Variants in FRMPD4 observed in about 807,000 individuals in gnomAD.
The protein encoded by FRMPD4 is FERM and PDZ domain containing 4, also known as FERM and PDZ domain-containing protein 4.
Under a neutral mutation model 94.1 loss-of-function variants are expected in FRMPD4, and 22 were observed. That is an observed-to-expected ratio of 0.23 (90% CI 0.17 to 0.33). FRMPD4 has a LOEUF of 0.33. Ranked by LOEUF, FRMPD4 falls within the 10% of genes least tolerant of loss-of-function variation. The pLI, the probability that FRMPD4 is intolerant of heterozygous loss-of-function variation, is 1.00. For missense variants in FRMPD4, 1,111 were observed against 1,339.9 expected (o/e 0.83, Z 2.67); for synonymous variants, 631 against 548.6 (o/e 1.15, Z -2.10).
intron 11 of FRMPD4, among the ~76,000 whole-genome samples, chrX:12,706,204 A>C (rs1402876054): frequency 9.0e-6 from 1 of 111,669 alleles, no homozygotes; most frequent in African/African-American, 3.3e-5. Flanking sequence ...TGTGAAACTC[A>C]ACAGATTTTC....
At chrX:12,266,132 CAAAAAA>C (rs3990340) in intron 1 of FRMPD4, among the ~76,000 whole-genome samples, 32 of 25,745 alleles carry the variant, frequency 1.2e-3, no homozygotes, top group African/African-American at 3.6e-3. Flanking sequence ...GACTCCGTCT[CAAAAAA>C]AAAAAAAAAA....
intron 1 of FRMPD4, among the ~76,000 whole-genome samples, chrX:12,495,755 A>AT (rs1332200203): frequency 9.0e-6 from 1 of 111,345 alleles, no homozygotes; most frequent in Non-Finnish European, 1.9e-5. Context: ...ATAAAAAAAA[A>AT]GGTAGAGTTA....
At chrX:11,887,644 C>T (rs1468234573) in intron 3 of FRMPD4, among the ~76,000 whole-genome samples, 2 of 112,167 alleles carry the variant, frequency 1.8e-5, no homozygotes, top group Non-Finnish European at 3.8e-5. Flanking sequence ...CAGTCACACC[C>T]GGGACAGATT....
At chrX:12,468,329 G>C (rs1254947141) in intron 1 of FRMPD4, among the ~76,000 whole-genome samples, 2 of 112,111 alleles carry the variant, frequency 1.8e-5, no homozygotes, top group African/African-American at 6.5e-5. Context: ...GGTTTTATAA[G>C]GGAAGTATTT....
intron 3 of FRMPD4, among the ~76,000 whole-genome samples, chrX:12,101,428 C>A (rs1056840958): frequency 9.0e-6 from 1 of 111,635 alleles, no homozygotes; most frequent in Non-Finnish European, 1.9e-5. Flanking sequence ...TAGTCCTACT[C>A]TCTGAAGCTA....
chrX:12,127,996 C>T (rs761670105), intron 3 of FRMPD4, among the ~76,000 whole-genome samples: 20 of 112,759 alleles, frequency 1.8e-4, no homozygotes, highest in Admixed American at 3.7e-4. Context: ...GCAGCTCCAC[C>T]CCTGTGGCTT....
chrX:12,158,752 T>G (rs755649205), intron 1 of FRMPD4, among the ~76,000 whole-genome samples: 1 of 112,574 alleles, frequency 8.9e-6, no homozygotes, highest in East Asian at 2.8e-4. Context: ...TCCATTCTAC[T>G]GCTTATGTTA....
At chrX:11,853,021 A>G (rs2053633939) in intron 1 of FRMPD4, among the ~76,000 whole-genome samples, 1 of 112,276 alleles carries the variant, frequency 8.9e-6, no homozygotes, top group Non-Finnish European at 1.9e-5. Flanking sequence ...ACTCCTTAGC[A>G]AATGCAAAAG....
chrX:12,474,533 G>A (rs1184974792), intron 1 of FRMPD4, among the ~76,000 whole-genome samples: 3 of 111,402 alleles, frequency 2.7e-5, no homozygotes, highest in South Asian at 3.8e-4. Context: ...CTGGTTTTTT[G>A]AAACGATCAA....
chrX:12,413,198 A>T (rs1226626360), intron 1 of FRMPD4, among the ~76,000 whole-genome samples: 1 of 111,846 alleles, frequency 8.9e-6, no homozygotes, highest in Non-Finnish European at 1.9e-5. Flanking sequence ...ATGAGTCGGT[A>T]TATAGATATC....
chrX:12,267,193 A>G (rs2407772), intron 1 of FRMPD4, among the ~76,000 whole-genome samples: 31,318 of 111,115 alleles, frequency 0.28, 4,071 homozygotes, highest in African/African-American at 0.48. Flanking sequence ...AGGACCCGCT[A>G]TATAATCAAG....
chrX:12,286,740 C>T (rs190463331), intron 1 of FRMPD4, among the ~76,000 whole-genome samples: 1 of 109,050 alleles, frequency 9.2e-6, no homozygotes, highest in East Asian at 2.9e-4. Context: ...ATGAGTTGAT[C>T]AAAAGCTAAA....
chrX:12,117,136 A>G (rs373741035), intron 3 of FRMPD4, among the ~76,000 whole-genome samples: 30 of 111,879 alleles, frequency 2.7e-4, no homozygotes, highest in African/African-American at 9.7e-4. Context: ...GAAGTTGCCA[A>G]AGTCAACTAT....
At chrX:12,295,228 A>T (rs1216262038) in intron 1 of FRMPD4, among the ~76,000 whole-genome samples, 1 of 112,380 alleles carries the variant, frequency 8.9e-6, no homozygotes, top group Non-Finnish European at 1.9e-5. Flanking sequence ...TATAGGAGAA[A>T]CCAAATTATC....
At position 12,710,529 on chromosome X, in the gene FRMPD4, A is replaced by G; in HGVS notation, c.1601A>G (p.Gln534Arg). ...NMANKKNTATQETGPENKGKH... is the reference protein window; with the variant it reads ...NMANKKNTATRETGPENKGKH... ...GCCAACAAGAAAAACACAGCGACCCAGGAAACAGGTATTCTCTTCCTGAAC... is the reference window on the plus strand; with the variant it reads ...GCCAACAAGAAAAACACAGCGACCCGGGAAACAGGTATTCTCTTCCTGAAC... The change falls in exon 14 of 17, where the codon CAG becomes CGG. Residue 534 changes from glutamine to arginine, a missense_variant. Coordinates refer to ENST00000675598, the MANE Select transcript of FRMPD4 (RefSeq NM_001368397.1). 8.3e-7 allele frequency: 1 copy of G among 1,206,428 alleles called. No homozygotes were observed. The highest frequency in any genetic ancestry group is 3.0e-5 in the East Asian group (1 of 33,782).
intron 2 of FRMPD4, among the ~76,000 whole-genome samples, chrX:12,521,675 G>A (rs1602065008): frequency 1.8e-5 from 2 of 111,822 alleles, no homozygotes; most frequent in East Asian, 5.6e-4. Flanking sequence ...CTGTCTTCAG[G>A]ATGATATATT....
At chrX:12,188,577 G>T (rs1460995380) in intron 1 of FRMPD4, among the ~76,000 whole-genome samples, 1 of 111,890 alleles carries the variant, frequency 8.9e-6, no homozygotes, top group Admixed American at 9.5e-5. Flanking sequence ...TTTTAACTGA[G>T]CACAGAATGA....
intron 3 of FRMPD4, among the ~76,000 whole-genome samples, chrX:11,985,229 C>A (rs1309885008): frequency 8.9e-6 from 1 of 111,868 alleles, no homozygotes; most frequent in Non-Finnish European, 1.9e-5. Context: ...GGATAGGGCA[C>A]CAGGGCAGAG....
chrX:12,118,149 C>T (rs12845509), intron 3 of FRMPD4, among the ~76,000 whole-genome samples: 16,153 of 110,890 alleles, frequency 0.15, 818 homozygotes, highest in South Asian at 0.33. Context: ...CAAAATCTAC[C>T]TTTTCCCCAA....
Sources: gnomAD v4.1 joint callset for allele counts (sites outside exome capture counted in the v4.1 genomes callset) on GRCh38, gnomAD v4.1.1 for gene constraint, MANE v1.5 for transcripts, NCBI Gene and HGNC (gene_info 2026-07-23, HGNC 2026-07-21) for gene names.